The following NPY2R variants were observed in gnomAD, a reference collection of about 807,000 sequenced individuals.
NPY2R encodes neuropeptide Y receptor type 2.
In NPY2R, 17 loss-of-function variants were observed where a neutral mutation model predicts 22.3. The observed-to-expected ratio is 0.76, with a 90% CI of 0.52 to 1.14. The LOEUF (loss-of-function observed/expected upper bound fraction) is 1.14, where lower values mean the gene tolerates loss of function less well. Among genes scored for constraint, NPY2R ranks in the 50% most tolerant of loss-of-function variants. NPY2R has a pLI of 0.00. For synonymous variants in NPY2R, 209 were observed against 183.4 expected, an observed-to-expected ratio of 1.14 and a Z score of -1.13; for missense variants, 424 against 467.9, an observed-to-expected ratio of 0.91 and a Z score of 0.87.
the NPY2R span, among the ~76,000 whole-genome samples, chr4:155,183,222 C>T: frequency 3.3e-5 from 5 of 152,110 alleles, no homozygotes; most frequent in African/African-American, 7.2e-5. Flanking sequence ...AGTTGTATAA[C>T]AAGTTGTATA....
At chr4:155,184,343 T>G in the NPY2R span, among the ~76,000 whole-genome samples, 1 of 152,218 alleles carries the variant, frequency 6.6e-6, no homozygotes, top group Non-Finnish European at 1.5e-5. Context: ...GTACCTATTC[T>G]TACTAGACTA....
the NPY2R span, among the ~76,000 whole-genome samples, chr4:155,203,431 C>T: frequency 9.4e-4 from 143 of 152,286 alleles, 1 homozygote; most frequent in Middle Eastern, 3.4e-3. Flanking sequence ...TTCATCAGAA[C>T]AAACTTGATT....
At chr4:155,200,813 T>G in the NPY2R span, among the ~76,000 whole-genome samples, 40 of 151,894 alleles carry the variant, frequency 2.6e-4, no homozygotes, top group African/African-American at 9.7e-4. Context: ...TGAGAACACA[T>G]GGACACAGGG....
chr4:155,210,981 T>C (rs960436418), intron 1 of NPY2R, among the ~76,000 whole-genome samples: 1 of 48,844 alleles, frequency 2.0e-5, no homozygotes, highest in African/African-American at 1.3e-4. Context: ...TCAGGACAAT[T>C]TTTTTTTTGT....
At chr4:155,210,257 G>C (rs34233942) in intron 1 of NPY2R, among the ~76,000 whole-genome samples, 99,849 of 151,574 alleles carry the variant, frequency 0.66, 34,768 homozygotes, top group African/African-American at 0.89. Flanking sequence ...TGGCTGAAGG[G>C]AGTAACCTGC....
At chr4:155,200,996 T>A in the NPY2R span, among the ~76,000 whole-genome samples, 1 of 151,244 alleles carries the variant, frequency 6.6e-6, no homozygotes, top group Non-Finnish European at 1.5e-5. Flanking sequence ...GCTCTGCACT[T>A]GTATCCTGGA....
the NPY2R span, among the ~76,000 whole-genome samples, chr4:155,185,229 G>A: frequency 6.6e-6 from 1 of 151,946 alleles, no homozygotes; most frequent in East Asian, 1.9e-4. Flanking sequence ...TAGTAGAGAC[G>A]GGGTTTCACC....
chr4:155,211,260 G>A (rs1424626790), intron 1 of NPY2R, among the ~76,000 whole-genome samples: 1 of 152,180 alleles, frequency 6.6e-6, no homozygotes, highest in Non-Finnish European at 1.5e-5. Context: ...CAAAGAGATT[G>A]CTGTGGTGGG....
At chr4:155,209,609 T>C (rs1452828769) in intron 1 of NPY2R, among the ~76,000 whole-genome samples, 1 of 152,176 alleles carries the variant, frequency 6.6e-6, no homozygotes, top group Admixed American at 6.5e-5. Flanking sequence ...CACCCTTTGG[T>C]GAATATTTTC....
the NPY2R span, among the ~76,000 whole-genome samples, chr4:155,194,309 T>C: frequency 5.7e-4 from 86 of 152,040 alleles, no homozygotes; most frequent in African/African-American, 2.0e-3. Context: ...GTAAATTTCA[T>C]GTTGCTGGGG....
the NPY2R span, among the ~76,000 whole-genome samples, chr4:155,187,973 C>A: frequency 6.6e-6 from 1 of 152,054 alleles, no homozygotes. Context: ...CAACAGTGAG[C>A]AGAATGAAGA....
the NPY2R span, among the ~76,000 whole-genome samples, chr4:155,200,580 A>G: frequency 2.0e-5 from 3 of 152,166 alleles, no homozygotes; most frequent in Admixed American, 6.6e-5. Context: ...ACTATTTACA[A>G]TAGTAAAGAC....
the NPY2R span, among the ~76,000 whole-genome samples, chr4:155,193,085 C>T: frequency 5.9e-5 from 9 of 151,726 alleles, no homozygotes; most frequent in Admixed American, 2.6e-4. Context: ...TGAAAACTGA[C>T]GAGTAGAGGA....
At position 155,215,028 on chromosome 4, in the gene NPY2R, G is replaced by T; in HGVS notation, c.1089G>T (p.Leu363=). ...VSVTFKAKKN[L]EVRKNSGPND... ...TGACATTCAAGGCTAAAAAGAACCT[G>T]GAGGTCAGAAAGAACAGTGGCCCCA... The change falls in exon 2 of 2, where the codon CTG becomes CTT. Residue 363 remains leucine (L), a synonymous_variant. Transcript: ENST00000329476. 14 of 1,613,914 alleles carry T rather than the reference G, an allele frequency of 8.7e-6. No individual in the cohort carries two copies. Among genetic ancestry groups the T allele is most frequent in the Non-Finnish European group, 1.2e-5 (14 of 1,180,006 alleles).
intron 1 of NPY2R, among the ~76,000 whole-genome samples, chr4:155,209,704 C>A (rs969574350): frequency 5.3e-5 from 8 of 152,084 alleles, no homozygotes; most frequent in Admixed American, 2.6e-4. Flanking sequence ...TGCCCCCATT[C>A]CTAGAACTAA....
upstream of NPY2R, chr4:155,208,251 C>T (rs1009846598): frequency 3.3e-5 from 5 of 152,402 alleles, no homozygotes; most frequent in African/African-American, 1.2e-4. This position sits in a 1 kb window ranked among gnomAD's most constrained non-coding sequence, Gnocchi z 5.6. Flanking sequence ...CGCGGGGATT[C>T]TCCAGCCCCG....
chr4:155,174,482 A>ATTT, the NPY2R span, among the ~76,000 whole-genome samples: 65 of 104,462 alleles, frequency 6.2e-4, 1 homozygote, highest in African/African-American at 2.3e-3. Flanking sequence ...ATATATATAT[A>ATTT]TATTTTTTTT....
At chr4:155,179,177 A>T in the NPY2R span, among the ~76,000 whole-genome samples, 1 of 152,154 alleles carries the variant, frequency 6.6e-6, no homozygotes, top group Admixed American at 6.6e-5. Context: ...AATATTCAAC[A>T]TAATTGCAAT....
At chr4:155,178,771 C>T in the NPY2R span, among the ~76,000 whole-genome samples, 3,215 of 152,244 alleles carry the variant, frequency 0.021, 47 homozygotes, top group South Asian at 0.035. Flanking sequence ...GCTAAAATTA[C>T]TTGTTCTGAA....
Sources: gnomAD v4.1 joint callset for allele counts (sites outside exome capture counted in the v4.1 genomes callset) on GRCh38, gnomAD v4.1.1 for gene constraint, Gnocchi (gnomAD v3.1) non-coding constraint, MANE v1.5 for transcripts, NCBI Gene and HGNC (gene_info 2026-07-23, HGNC 2026-07-21) for gene names.